Variants in RALGPS1 observed in about 807,000 individuals in gnomAD.
The protein encoded by RALGPS1 is Ral GEF with PH domain and SH3 binding motif 1.
RALGPS1 carries 19 observed loss-of-function variants against 78.8 expected under a neutral mutation model. The observed-to-expected ratio is 0.24, with a 90% CI of 0.17 to 0.35. The LOEUF is 0.35. Among genes scored for constraint, RALGPS1 ranks in the 10% least tolerant of loss-of-function variants. The pLI is 1.00. For synonymous variants in RALGPS1, 228 were observed against 256.3 expected (o/e 0.89, Z 1.06); for missense variants, 454 against 688.3 (o/e 0.66, Z 3.81).
At chr9:126,922,223 A>G (rs606278) in intron 1 of RALGPS1, among the ~76,000 whole-genome samples, 151,280 of 152,336 alleles carry the variant, frequency 0.99, 75,126 homozygotes, top group Middle Eastern at 1. Context: ...AACTGATAAT[A>G]CAACATGATA....
intron 4 of RALGPS1, among the ~76,000 whole-genome samples, chr9:126,995,179 A>C (rs1340908302): frequency 2.0e-5 from 3 of 152,198 alleles, no homozygotes; most frequent in African/African-American, 7.2e-5. Flanking sequence ...CACACATAAC[A>C]ATATTAACTT....
chr9:126,928,237 T>C (rs1048270939), intron 1 of RALGPS1, among the ~76,000 whole-genome samples: 9 of 152,158 alleles, frequency 5.9e-5, no homozygotes, highest in African/African-American at 2.2e-4. Flanking sequence ...AAGGCACAGA[T>C]CCAGTTGCCA....
chr9:127,058,093 T>TA (rs1204671793), intron 7 of RALGPS1, among the ~76,000 whole-genome samples: 4 of 152,140 alleles, frequency 2.6e-5, no homozygotes, highest in African/African-American at 9.7e-5. Flanking sequence ...GATGAGGGGA[T>TA]GAGTGTTCCA....
chr9:127,162,730 A>G (rs2139490251), intron 8 of RALGPS1, among the ~76,000 whole-genome samples: 1 of 152,146 alleles, frequency 6.6e-6, no homozygotes, highest in East Asian at 1.9e-4. Flanking sequence ...GCAGAGCACC[A>G]CTCAGGGATC....
intron 8 of RALGPS1, among the ~76,000 whole-genome samples, chr9:127,155,887 G>A (rs2058682024): frequency 8.0e-6 from 1 of 124,954 alleles, no homozygotes; most frequent in African/African-American, 3.6e-5. Context: ...GAGAAAGAAA[G>A]AAATATCTTG....
chr9:127,057,502 C>T (rs917293141), intron 7 of RALGPS1, among the ~76,000 whole-genome samples: 7 of 152,142 alleles, frequency 4.6e-5, no homozygotes, highest in Non-Finnish European at 1.0e-4. Flanking sequence ...TGCACAGGAC[C>T]GACTGACACT....
intron 1 of RALGPS1, among the ~76,000 whole-genome samples, chr9:126,922,020 C>CAGAA (rs1161300138): frequency 3.3e-5 from 5 of 152,172 alleles, no homozygotes; most frequent in Non-Finnish European, 7.3e-5. Context: ...GGGTGGCAGG[C>CAGAA]AGAACTCTTC....
chr9:127,190,951 TC>T (rs1383458865), intron 11 of RALGPS1, among the ~76,000 whole-genome samples: 6 of 152,242 alleles, frequency 3.9e-5, no homozygotes, highest in African/African-American at 1.4e-4. Context: ...AAAAGATATC[TC>T]CTTTTACTCT....
At chr9:127,193,195 G>A (rs193126402) in intron 11 of RALGPS1, among the ~76,000 whole-genome samples, 2 of 152,320 alleles carry the variant, frequency 1.3e-5, no homozygotes, top group Non-Finnish European at 2.9e-5. Flanking sequence ...CCCCGGCCTG[G>A]TGGGAAGGCC....
At chr9:126,974,028 A>ACCG (rs924068871) in intron 3 of RALGPS1, among the ~76,000 whole-genome samples, 13 of 151,924 alleles carry the variant, frequency 8.6e-5, no homozygotes, top group African/African-American at 3.1e-4. Flanking sequence ...ATGCACCACC[A>ACCG]CACCCGGCTA....
At chr9:127,070,012 T>C (rs1343415703) in intron 8 of RALGPS1, 1 of 152,334 alleles carries the variant, frequency 6.6e-6, no homozygotes, top group East Asian at 1.9e-4. Flanking sequence ...TATTGACCAT[T>C]TAAGGCAGCA....
chr9:127,090,126 G>T (rs2052289292), intron 8 of RALGPS1, among the ~76,000 whole-genome samples: 1 of 152,206 alleles, frequency 6.6e-6, no homozygotes, highest in Non-Finnish European at 1.5e-5. Context: ...GGACCAAGTG[G>T]CAGTGTTGGA....
chr9:127,062,239 A>G (rs2049277677), intron 7 of RALGPS1, among the ~76,000 whole-genome samples: 1 of 151,960 alleles, frequency 6.6e-6, no homozygotes, highest in Non-Finnish European at 1.5e-5. Flanking sequence ...CTGGGACTAC[A>G]GGCGCCCACC....
intron 4 of RALGPS1, among the ~76,000 whole-genome samples, chr9:127,015,130 A>T (rs1200989863): frequency 6.6e-6 from 1 of 152,152 alleles, no homozygotes; most frequent in African/African-American, 2.4e-5. Context: ...CACTTTGTAG[A>T]TAGTCACTAT....
At chr9:126,961,390 A>C (rs542757874) in intron 1 of RALGPS1, among the ~76,000 whole-genome samples, 2 of 152,238 alleles carry the variant, frequency 1.3e-5, no homozygotes, top group African/African-American at 4.8e-5. Context: ...ATGTATGCCA[A>C]GCATGGCATA....
chr9:127,189,608 G>A (rs2060910648), intron 11 of RALGPS1, among the ~76,000 whole-genome samples: 1 of 152,226 alleles, frequency 6.6e-6, no homozygotes, highest in Non-Finnish European at 1.5e-5. Flanking sequence ...CAGGGTCAAG[G>A]CAGACACAAA....
intron 10 of RALGPS1, among the ~76,000 whole-genome samples, chr9:127,172,699 C>T (rs2059627784): frequency 6.6e-6 from 1 of 152,150 alleles, no homozygotes; most frequent in African/African-American, 2.4e-5. Context: ...TGGATTTGTT[C>T]CCCCTAGGTC....
In RALGPS1 at chr9:127,091,946, G is replaced by A. The variant is rs772419040; in HGVS notation, c.610+22590G>A. On this transcript the variant is annotated intron_variant, in intron 8 of 18. Coordinates refer to ENST00000259351, the MANE Select transcript of RALGPS1 (RefSeq NM_014636.3). The surrounding 1 kb of genome is among the most constrained non-coding windows in gnomAD (Gnocchi z 4.3). The stretch of plus-strand genomic sequence containing the variant: ...TCAATGTTCCCAAACCCTTGCTGGG[G>A]AAAACCCAGGAGAGTGTTAATGTGG... 2 of 1,613,342 alleles carry A rather than the reference G, an allele frequency of 1.2e-6. No homozygotes were observed. The highest frequency in any genetic ancestry group is 1.7e-6 in the Non-Finnish European group (2 of 1,179,538).
At position 127,196,355 on chromosome 9, in the gene RALGPS1, G is replaced by A. The variant is rs941004049; in HGVS notation, c.1038-119G>A. 1.0e-5 allele frequency: 12 copies of A among 1,159,900 alleles called. No homozygotes were observed. In the Admixed American group the frequency reaches 3.1e-4, roughly 30 times the overall value. The allele number at this position is 1,159,900 out of a possible 1,614,324, so 71.9% of individuals were successfully genotyped here. A position where few individuals can be genotyped will look rare whatever the true frequency, so the allele number is the denominator to read the frequency against. ...AGGACAGAGCCTGGGCTGTACCGTG[G>A]CTCTGGGTGGAGGCCTTTTTCCTGC... On this transcript the variant is annotated intron_variant, in intron 12 of 18. Coordinates refer to ENST00000259351, the MANE Select transcript of RALGPS1 (RefSeq NM_014636.3).
Sources: gnomAD v4.1 joint callset for allele counts (sites outside exome capture counted in the v4.1 genomes callset) on GRCh38, gnomAD v4.1.1 for gene constraint, Gnocchi (gnomAD v3.1) non-coding constraint, MANE v1.5 for transcripts, NCBI Gene and HGNC (gene_info 2026-07-23, HGNC 2026-07-21) for gene names.